Variants in AGTPBP1 observed in about 807,000 individuals in gnomAD.
The protein encoded by AGTPBP1 is ATP/GTP binding carboxypeptidase 1.
AGTPBP1 carries 70 observed loss-of-function variants against 143.9 expected under a neutral mutation model. That is an observed-to-expected ratio of 0.49 (90% CI 0.40 to 0.59). The LOEUF (loss-of-function observed/expected upper bound fraction) is 0.59. Among genes scored for constraint, AGTPBP1 ranks in the 20% least tolerant of loss-of-function variants. AGTPBP1 has a pLI of 0.00. For synonymous variants in AGTPBP1, 463 were observed against 500.2 expected, an observed-to-expected ratio of 0.93 and a Z score of 0.99; for missense variants, 1,229 against 1,464.5, an observed-to-expected ratio of 0.84 and a Z score of 2.62.
rs1464103005 is a variant in AGTPBP1, at chr9:85,581,425, G to A, written c.3166-2329C>T. On this transcript the variant is annotated intron_variant, in intron 23 of 25. Transcript: ENST00000357081. ...TACATCACAGAGCTTTGTGAGGCTC[G>A]CACAGAAAATTCATATGAAGGCTAT... Among the ~76,000 whole-genome samples the A allele has an allele frequency of 6.6e-5, 10 of 152,136 alleles. No homozygotes were observed. In the South Asian group the frequency reaches 8.3e-4, roughly 13 times the overall value.
At chr9:85,664,258 T>C (rs1834007590) in intron 8 of AGTPBP1, among the ~76,000 whole-genome samples, 1 of 152,070 alleles carries the variant, frequency 6.6e-6, no homozygotes, top group Admixed American at 6.6e-5. Flanking sequence ...TTTTCACAGG[T>C]TTAGCCATAT....
intron 1 of AGTPBP1, among the ~76,000 whole-genome samples, chr9:85,740,524 C>G (rs955686312): frequency 6.6e-6 from 1 of 152,186 alleles, no homozygotes; most frequent in East Asian, 1.9e-4. Flanking sequence ...AAAATAAGCA[C>G]CATTTAAAGT....
At chr9:85,574,024 A>T (rs1827724401) in intron 25 of AGTPBP1, among the ~76,000 whole-genome samples, 1 of 152,216 alleles carries the variant, frequency 6.6e-6, no homozygotes, top group Admixed American at 6.5e-5. Flanking sequence ...TTTGTGGAAT[A>T]GAAAAGGGGG....
chr9:85,612,223 G>T (rs947056000), intron 17 of AGTPBP1, among the ~76,000 whole-genome samples: 3 of 152,112 alleles, frequency 2.0e-5, no homozygotes, highest in Non-Finnish European at 1.5e-5. Flanking sequence ...CTTTGATGGG[G>T]ATTGGTCACC....
chr9:85,561,715 A>G (rs1342640427), intron 25 of AGTPBP1, among the ~76,000 whole-genome samples: 1 of 152,196 alleles, frequency 6.6e-6, no homozygotes, highest in Non-Finnish European at 1.5e-5. Context: ...TGTAAAGTTA[A>G]AAATACTCAT....
At chr9:85,562,217 T>C (rs538784274) in intron 25 of AGTPBP1, among the ~76,000 whole-genome samples, 144 of 135,396 alleles carry the variant, frequency 1.1e-3, no homozygotes, top group African/African-American at 4.0e-3. Context: ...TCTACCAATC[T>C]AAAAGAAAGC....
intron 3 of AGTPBP1, among the ~76,000 whole-genome samples, chr9:85,683,902 C>A (rs1037778643): frequency 3.3e-5 from 5 of 152,012 alleles, no homozygotes; most frequent in African/African-American, 1.2e-4. Flanking sequence ...GTATCAGTCC[C>A]CTCCATACTT....
chr9:85,589,063 T>C (rs1317866744), intron 20 of AGTPBP1, among the ~76,000 whole-genome samples: 2 of 152,170 alleles, frequency 1.3e-5, no homozygotes, highest in Non-Finnish European at 2.9e-5. Flanking sequence ...AATTGAAAGT[T>C]TTATTTTTAT....
chr9:85,593,691 T>C (rs1829116072), intron 18 of AGTPBP1, among the ~76,000 whole-genome samples: 2 of 152,214 alleles, frequency 1.3e-5, no homozygotes, highest in Non-Finnish European at 2.9e-5. Context: ...AGTAAAAGTA[T>C]AGATAAACAA....
intron 9 of AGTPBP1, among the ~76,000 whole-genome samples, chr9:85,659,444 A>G (rs139694276): frequency 1.7e-4 from 26 of 152,290 alleles, no homozygotes; most frequent in Admixed American, 1.6e-3. Context: ...ATCCTATTTA[A>G]TGCCATGTGT....
At chr9:85,585,970 T>A (rs2133167425) in intron 22 of AGTPBP1, among the ~76,000 whole-genome samples, 1 of 152,302 alleles carries the variant, frequency 6.6e-6, no homozygotes, top group South Asian at 2.1e-4. Flanking sequence ...CCCAGCACTT[T>A]GGGAAGCCAA....
chr9:85,701,703 C>A (rs1333406173), intron 2 of AGTPBP1, among the ~76,000 whole-genome samples: 2 of 152,130 alleles, frequency 1.3e-5, no homozygotes, highest in Admixed American at 1.3e-4. Context: ...GGGAAAACAA[C>A]CCTCTCCAAG....
intron 25 of AGTPBP1, among the ~76,000 whole-genome samples, chr9:85,572,347 A>G (rs900649337): frequency 6.6e-6 from 1 of 151,910 alleles, no homozygotes; most frequent in African/African-American, 2.4e-5. Context: ...TTGTATTTTT[A>G]TATTTATGCA....
intron 13 of AGTPBP1, among the ~76,000 whole-genome samples, 172 bp downstream of exon 13, chr9:85,642,655 C>T (rs112785551): frequency 0.018 from 2,723 of 152,128 alleles, 86 homozygotes; most frequent in African/African-American, 0.062. Flanking sequence ...TTTACAATTG[C>T]TTAACTGCAG....
At chr9:85,568,198 G>T (rs1156417210) in intron 25 of AGTPBP1, among the ~76,000 whole-genome samples, 1 of 152,176 alleles carries the variant, frequency 6.6e-6, no homozygotes, top group African/African-American at 2.4e-5. Context: ...AAACTGAAAT[G>T]AAGTGTTCAG....
At chr9:85,577,191 G>A (rs1320214944) in intron 24 of AGTPBP1, among the ~76,000 whole-genome samples, 1 of 152,156 alleles carries the variant, frequency 6.6e-6, no homozygotes, top group Non-Finnish European at 1.5e-5. Context: ...TACTATGGAT[G>A]ATTTCAGGGG....
chr9:85,632,093 GTA>G (rs372145008), intron 14 of AGTPBP1, among the ~76,000 whole-genome samples: 20 of 149,298 alleles, frequency 1.3e-4, no homozygotes, highest in South Asian at 4.2e-4. Context: ...TACATAGTAG[GTA>G]TATATATATA....
chr9:85,717,496 T>A (rs571175128), intron 1 of AGTPBP1, among the ~76,000 whole-genome samples: 4 of 152,154 alleles, frequency 2.6e-5, no homozygotes, highest in Admixed American at 6.5e-5. Context: ...AGCAAGACGC[T>A]GTCTCAAAAA....
intron 14 of AGTPBP1, among the ~76,000 whole-genome samples, chr9:85,632,168 T>A (rs1831721901): frequency 6.6e-6 from 1 of 152,024 alleles, no homozygotes; most frequent in Non-Finnish European, 1.5e-5. Context: ...CACTTCAGGG[T>A]AAAAGGGGTA....
Sources: allele counts gnomAD v4.1 joint callset (sites outside exome capture counted in the v4.1 genomes callset), GRCh38; gene constraint gnomAD v4.1.1; transcripts MANE v1.5; gene names NCBI Gene and HGNC (gene_info 2026-07-23, HGNC 2026-07-21).